The following CEMIP variants were observed in gnomAD, a reference collection of about 807,000 sequenced individuals.
The protein encoded by CEMIP is cell migration inducing hyaluronidase 1.
In CEMIP, 105 loss-of-function variants were observed where a neutral mutation model predicts 156.9. The ratio of observed to expected loss-of-function variants is 0.67; its 90% CI spans 0.57 to 0.79. CEMIP has a LOEUF of 0.79. Among genes scored for constraint, CEMIP ranks in the 30% least tolerant of loss-of-function variants. CEMIP has a pLI of 0.00. For missense variants in CEMIP, 1,457 were observed against 1,769.4 expected, an observed-to-expected ratio of 0.82 and a Z score of 3.17; for synonymous variants, 676 against 668.4, an observed-to-expected ratio of 1.01 and a Z score of -0.17.
chr15:80,911,732 A>G (rs1900062458), intron 14 of CEMIP, among the ~76,000 whole-genome samples: 1 of 152,274 alleles, frequency 6.6e-6, no homozygotes. Flanking sequence ...CTGTCTTTGG[A>G]ATAGCAAACC....
intron 14 of CEMIP, among the ~76,000 whole-genome samples, chr15:80,913,104 T>C (rs1170943892): frequency 6.6e-6 from 1 of 152,148 alleles, no homozygotes; most frequent in Non-Finnish European, 1.5e-5. Flanking sequence ...TGGTAGCCCC[T>C]AGCTCATGAG....
intron 12 of CEMIP, among the ~76,000 whole-genome samples, chr15:80,899,588 G>A (rs564072554): frequency 1.3e-5 from 2 of 152,228 alleles, no homozygotes; most frequent in East Asian, 3.9e-4. Context: ...TGCATGAGGC[G>A]TTCCAGCTAC....
intron 1 of CEMIP, among the ~76,000 whole-genome samples, chr15:80,857,036 C>T (rs1009208772): frequency 2.0e-5 from 3 of 152,310 alleles, no homozygotes; most frequent in Admixed American, 6.5e-5. Context: ...AAATAAATAA[C>T]CCAGGAAAAG....
At chr15:80,830,006 G>A (rs1596117666) in intron 1 of CEMIP, among the ~76,000 whole-genome samples, 2 of 76,238 alleles carry the variant, frequency 2.6e-5, no homozygotes, top group African/African-American at 5.0e-5. Flanking sequence ...GTGTGTGCGC[G>A]CATGTCCTTC....
At chr15:80,852,384 A>G (rs1445915883) in intron 1 of CEMIP, among the ~76,000 whole-genome samples, 1 of 151,948 alleles carries the variant, frequency 6.6e-6, no homozygotes, top group African/African-American at 2.4e-5. Flanking sequence ...GCTACTTCCA[A>G]TGTGTGTGTG....
chr15:80,823,002 G>C (rs1307932610), intron 1 of CEMIP, among the ~76,000 whole-genome samples: 2 of 152,160 alleles, frequency 1.3e-5, no homozygotes, highest in East Asian at 1.9e-4. Context: ...CTGACTGATT[G>C]TGTGGTCCTG....
chr15:80,908,343 T>C (rs981895163), intron 13 of CEMIP, among the ~76,000 whole-genome samples: 15 of 152,008 alleles, frequency 9.9e-5, no homozygotes, highest in African/African-American at 3.4e-4. Flanking sequence ...ACTACTGGAG[T>C]TGACACTCCA....
intron 1 of CEMIP, among the ~76,000 whole-genome samples, chr15:80,859,274 G>A (rs192368660): frequency 8.5e-5 from 13 of 152,306 alleles, no homozygotes; most frequent in East Asian, 1.9e-4. Context: ...GGCTGAATTC[G>A]GGAGCAGGAG....
Position 80,942,798 on chromosome 15 carries a change from C to G in CEMIP, c.3700-147C>G, listed in dbSNP as rs907966438. The stretch of plus-strand genomic sequence containing the variant: ...CTATTTGACCCACTACTGAGGGCTA[C>G]GAGGAGTTAAGTGGATAATGGAGTT... On this transcript the variant is annotated intron_variant, in intron 27 of 29. Coordinates refer to ENST00000394685, the MANE Select transcript of CEMIP (RefSeq NM_001293298.2). 6.5e-6 allele frequency: 6 copies of G among 930,110 alleles called. No homozygotes were observed. In the Admixed American group the frequency reaches 1.0e-4, roughly 16 times the overall value. The allele number at this position is 930,110 out of a possible 1,614,324, so 57.6% of individuals were successfully genotyped here.
At chr15:80,945,471 T>G (rs902924067) in intron 28 of CEMIP, among the ~76,000 whole-genome samples, 1 of 152,240 alleles carries the variant, frequency 6.6e-6, no homozygotes. Context: ...GAACAGATCC[T>G]GAATCTAGAG....
At chr15:80,948,737 G>A (rs940828007) in intron 29 of CEMIP, 60 bp from the exon 30 acceptor site, 2 of 1,611,730 alleles carry the variant, frequency 1.2e-6, no homozygotes, top group Non-Finnish European at 1.7e-6. Flanking sequence ...CCATGGAACG[G>A]GGTGGGGCAG....
intron 1 of CEMIP, among the ~76,000 whole-genome samples, chr15:80,839,289 A>ATGTGTGT (rs71455356): frequency 1.3e-4 from 17 of 131,116 alleles, no homozygotes; most frequent in African/African-American, 5.2e-4. Context: ...CAAGGCCGTG[A>ATGTGTGT]GTGTGTGTGT....
At chr15:80,875,367 T>C (rs539255100) in intron 3 of CEMIP, among the ~76,000 whole-genome samples, 2 of 152,240 alleles carry the variant, frequency 1.3e-5, no homozygotes, top group Admixed American at 6.5e-5. Context: ...CAGGCAATAA[T>C]TGGCTATATT....
chr15:80,900,926 T>A (rs1190334192), intron 12 of CEMIP: 1 of 455,534 alleles, frequency 2.2e-6, no homozygotes, highest in Non-Finnish European at 4.4e-6. Flanking sequence ...GCTCCCAGAT[T>A]TCATTCTACA....
At chr15:80,900,658 G>GTGTGTGTC (rs1567091035) in intron 12 of CEMIP, among the ~76,000 whole-genome samples, 6 of 139,666 alleles carry the variant, frequency 4.3e-5, no homozygotes, top group African/African-American at 1.6e-4. Flanking sequence ...GTCTGTGTGT[G>GTGTGTGTC]TGTCTGTGTG....
Position 80,884,363 on chromosome 15 carries a change from C to T in CEMIP, c.797+9C>T, listed in dbSNP as rs1898764161. 1 of 1,613,746 alleles carries T rather than the reference C, an allele frequency of 6.2e-7. No individual in the cohort carries two copies. The highest frequency in any genetic ancestry group is 1.7e-5 in the Admixed American group (1 of 59,984). On this transcript the variant is annotated intron_variant, in intron 7 of 29. Transcript: ENST00000394685. ...CTGCACCTTGGATTTAGGTACTGCC[C>T]CTCACTTCGGCTTCCACTGGGCTCT... is the stretch of plus-strand genomic sequence containing the variant.
At chr15:80,909,440 T>C (rs1170435713) in intron 14 of CEMIP, 134 bp downstream of exon 14, 2 of 904,088 alleles carry the variant, frequency 2.2e-6, no homozygotes, top group African/African-American at 3.3e-5. Context: ...TTCAGAAAGA[T>C]ATCAACTGGG....
At chr15:80,888,134 G>C (rs1021915730) in intron 8 of CEMIP, among the ~76,000 whole-genome samples, 1 of 152,054 alleles carries the variant, frequency 6.6e-6, no homozygotes, top group Non-Finnish European at 1.5e-5. Flanking sequence ...AGGCCGAGGC[G>C]GGTGGATCAC....
At chr15:80,942,579 T>C (rs1056379829) in intron 27 of CEMIP, among the ~76,000 whole-genome samples, 1 of 152,192 alleles carries the variant, frequency 6.6e-6, no homozygotes, top group Non-Finnish European at 1.5e-5. Context: ...TGGGCTTTTC[T>C]CCTGAGTGTC....
Sources: gnomAD v4.1 joint callset for allele counts (sites outside exome capture counted in the v4.1 genomes callset) on GRCh38, gnomAD v4.1.1 for gene constraint, MANE v1.5 for transcripts, NCBI Gene and HGNC (gene_info 2026-07-23, HGNC 2026-07-21) for gene names.